Variants in KDM5A observed in about 807,000 individuals in gnomAD.
The protein encoded by KDM5A is lysine-specific demethylase 5A.
KDM5A carries 42 observed loss-of-function variants against 193.5 expected under a neutral mutation model. That is an observed-to-expected ratio of 0.22 (90% CI 0.17 to 0.28). The LOEUF is 0.28. Among genes scored for constraint, KDM5A ranks in the 10% least tolerant of loss-of-function variants. The probability of loss-of-function intolerance (pLI) is 1.00; values close to 1 mark genes in which losing one functional copy is unlikely to be tolerated. For missense variants in KDM5A, 1,692 were observed against 2,055.1 expected, an observed-to-expected ratio of 0.82 and a Z score of 3.42; for synonymous variants, 796 against 718.1, an observed-to-expected ratio of 1.11 and a Z score of -1.73.
intron 10 of KDM5A, among the ~76,000 whole-genome samples, chr12:340,253 G>A (rs527462843): frequency 6.6e-6 from 1 of 152,200 alleles, no homozygotes; most frequent in Admixed American, 6.5e-5. Context: ...CTATGTAGAG[G>A]CCTACATAGT....
At chr12:329,557 G>GT (rs915677183) in intron 13 of KDM5A, among the ~76,000 whole-genome samples, 10 of 151,368 alleles carry the variant, frequency 6.6e-5, no homozygotes, top group Admixed American at 2.0e-4. Flanking sequence ...CTGACATTTA[G>GT]TTTTTTTTGC....
Position 284,334 on chromosome 12 carries a change from T to A in KDM5A, c.*1122A>T, listed in dbSNP as rs567992292. On this transcript the variant is annotated 3_prime_UTR_variant, in exon 28 of 28. Transcript: ENST00000399788. ...AGTAAAAACAAGTCCTTTTTTTTTT[T>A]TAAAAATGGATTTACTAAAACAACT... is the stretch of plus-strand genomic sequence containing the variant. The A allele has an allele frequency of 7.8e-5, 18 of 231,336 alleles. No homozygotes were observed. Among genetic ancestry groups the A allele is most frequent in the South Asian group, 7.3e-4 (4 of 5,498 alleles). The allele number at this position is 231,336 out of a possible 1,614,324, so 14.3% of individuals were successfully genotyped here. A position where few individuals can be genotyped will look rare whatever the true frequency, so the allele number is the denominator to read the frequency against.
chr12:280,245 AT>A lies in KDM5A; in HGVS notation c.*5210del, dbSNP rs1220964237. 4.3e-6 allele frequency: 1 copy of A among 232,880 alleles called. No homozygotes were observed. Among genetic ancestry groups the A allele is most frequent in the Non-Finnish European group, 8.5e-6 (1 of 117,872 alleles). 14.4% of individuals were successfully genotyped at this position (232,880 alleles called of 1,614,324 possible). A position where few individuals can be genotyped will look rare whatever the true frequency, so the allele number is the denominator to read the frequency against. On this transcript the variant is annotated 3_prime_UTR_variant, in exon 28 of 28. Coordinates refer to ENST00000399788, the MANE Select transcript of KDM5A (RefSeq NM_001042603.3). ...GTGTACAATGTTTCACCATGTTCCAATTAATGGTTGAGCTTTAAATGAAAAT... is the reference window on the plus strand; with the variant it reads ...GTGTACAATGTTTCACCATGTTCCAATAATGGTTGAGCTTTAAATGAAAAT...
intron 4 of KDM5A, among the ~76,000 whole-genome samples, chr12:365,327 T>TACAG (rs1944344723): frequency 6.6e-6 from 1 of 152,194 alleles, no homozygotes; most frequent in Admixed American, 6.5e-5. Flanking sequence ...GTGCTGAGAT[T>TACAG]ACAGGCATTA....
chr12:296,411 T>G (rs1204230364), intron 25 of KDM5A, among the ~76,000 whole-genome samples: 1 of 151,804 alleles, frequency 6.6e-6, no homozygotes, highest in Non-Finnish European at 1.5e-5. Flanking sequence ...GCAACCAGAA[T>G]CTCTCCATTT....
At chr12:289,127 G>A (rs1195424426) in intron 27 of KDM5A, among the ~76,000 whole-genome samples, 1 of 152,116 alleles carries the variant, frequency 6.6e-6, no homozygotes, top group African/African-American at 2.4e-5. Flanking sequence ...ACTTCTCATG[G>A]AAGTAGGAAT....
At chr12:335,289 G>A (rs1166471881) in intron 10 of KDM5A, among the ~76,000 whole-genome samples, 7 of 152,230 alleles carry the variant, frequency 4.6e-5, no homozygotes, top group Non-Finnish European at 5.9e-5. Context: ...GCAGCCATAT[G>A]AGGCTATGAC....
chr12:326,729 CA>C (rs1197229391), intron 14 of KDM5A, among the ~76,000 whole-genome samples: 1 of 151,940 alleles, frequency 6.6e-6, no homozygotes, highest in Admixed American at 6.6e-5. Context: ...GGCGTGGTGG[CA>C]GGCGCCTGTA....
At position 281,776 on chromosome 12, in the gene KDM5A, TCATC is replaced by T. The variant is rs1341354819; in HGVS notation, c.*3676_*3679del. 1.7e-5 allele frequency: 4 copies of T among 234,112 alleles called. No homozygotes were observed. The highest frequency in any genetic ancestry group is 1.7e-4 in the Admixed American group (3 of 17,812). The allele number at this position is 234,112 out of a possible 1,614,324, so 14.5% of individuals were successfully genotyped here. A position where few individuals can be genotyped will look rare whatever the true frequency, so the allele number is the denominator to read the frequency against. On this transcript the variant is annotated 3_prime_UTR_variant, in exon 28 of 28. Transcript: ENST00000399788. The stretch of plus-strand genomic sequence containing the variant: ...AGACAGGTCTTCTCAGTTTTTCTGT[TCATC>T]CTCCTACTGTAAGTACTGGCTGATA...
chr12:363,480 G>C (rs375594340), intron 4 of KDM5A, among the ~76,000 whole-genome samples: 1 of 152,156 alleles, frequency 6.6e-6, no homozygotes, highest in South Asian at 2.1e-4. Flanking sequence ...ATGGTCAACT[G>C]ATCTCCAACA....
chr12:307,880 C>T lies in KDM5A; in HGVS notation c.3504G>A (p.Lys1168=), dbSNP rs2137389656. 6.2e-7 allele frequency: 1 copy of T among 1,614,138 alleles called. No individual in the cohort carries two copies. The highest frequency in any genetic ancestry group is 1.1e-5 in the South Asian group (1 of 91,088). The part of the protein sequence containing the change: ...IEEVKFCICR[K]TASGFMLQCE... ...ACTGTAGCATAAACCCACTGGCTGTCTTGCGGCAAATGCAAAATTTTACTT... is the reference window on the plus strand; with the variant it reads ...ACTGTAGCATAAACCCACTGGCTGTTTTGCGGCAAATGCAAAATTTTACTT... The change falls in exon 23 of 28, where the codon AAG becomes AAA. Residue 1168 remains lysine (K), a synonymous_variant. Transcript: ENST00000399788. This position sits in a 1 kb window ranked among gnomAD's most constrained non-coding sequence, Gnocchi z 4.3.
chr12:330,175 T>C lies in KDM5A; in HGVS notation c.1774-1146A>G, dbSNP rs563145785. Among the ~76,000 whole-genome samples the C allele has an allele frequency of 2.0e-5, 3 of 151,882 alleles. No individual in the cohort carries two copies. In the East Asian group the frequency reaches 5.8e-4, roughly 29 times the overall value. On this transcript the variant is annotated intron_variant, in intron 13 of 27. Coordinates refer to ENST00000399788, the MANE Select transcript of KDM5A (RefSeq NM_001042603.3). ...CTTAAATACGTACTCTTTAAAAATT[T>C]CTCAGAGCCTCAACACAAAAACAAG...
At chr12:325,235 A>G (rs1943767071) in intron 14 of KDM5A, among the ~76,000 whole-genome samples, 2 of 152,224 alleles carry the variant, frequency 1.3e-5, no homozygotes, top group African/African-American at 4.8e-5. Context: ...CTTAGTTTAT[A>G]AGAATTTACT....
rs550354543 is a variant in KDM5A at position 366,448 on chromosome 12, TA to T, written c.367-345del. ...AATATGAAATAAGAATAAAAACAGA[TA>T]AAAAATAGATATGAAAATAAATGTT... On this transcript the variant is annotated intron_variant, in intron 3 of 27. Coordinates refer to ENST00000399788, the MANE Select transcript of KDM5A (RefSeq NM_001042603.3). Among the ~76,000 whole-genome samples, 24 of 151,814 alleles carry T rather than the reference TA, an allele frequency of 1.6e-4. No homozygotes were observed. In the East Asian group the frequency reaches 4.6e-3, roughly 29 times the overall value.
At chr12:312,734 G>T (rs1460147979) in intron 20 of KDM5A, among the ~76,000 whole-genome samples, 3 of 152,164 alleles carry the variant, frequency 2.0e-5, no homozygotes, top group Non-Finnish European at 4.4e-5. Flanking sequence ...GCTTAGCCTA[G>T]CCTACCTTAA....
chr12:310,066 G>A (rs1285464834), intron 21 of KDM5A, 102 bp from the exon 22 acceptor site: 10 of 1,244,386 alleles, frequency 8.0e-6, no homozygotes, highest in Middle Eastern at 2.0e-4. Flanking sequence ...CATGTCCCAC[G>A]CACTTTCTTA....
In KDM5A at chr12:324,258, C is replaced by CT. The variant is rs1943756803; in HGVS notation, c.1969-478dup. Among the ~76,000 whole-genome samples, 3 of 151,924 alleles carry CT rather than the reference C, an allele frequency of 2.0e-5. No homozygotes were observed. In the South Asian group the frequency reaches 6.2e-4, roughly 32 times the overall value. ...GCTGTAGTAAGCTATGATAGTACTG[C>CT]TGCACTCCAACCCCAGCCGACATAG... On this transcript the variant is annotated intron_variant, in intron 14 of 27. Transcript: ENST00000399788.
intron 18 of KDM5A, among the ~76,000 whole-genome samples, chr12:319,535 G>C (rs748097777): frequency 6.6e-5 from 10 of 152,172 alleles, no homozygotes; most frequent in African/African-American, 2.4e-4. Flanking sequence ...TGGATCGCTT[G>C]AGCTCAGGAG....
chr12:377,835 TA>T (rs1176618547), intron 3 of KDM5A, among the ~76,000 whole-genome samples: 3 of 151,890 alleles, frequency 2.0e-5, no homozygotes, highest in Non-Finnish European at 2.9e-5. Flanking sequence ...CAGGTGACCT[TA>T]AAAAAACACC....
Sources: allele counts gnomAD v4.1 joint callset (sites outside exome capture counted in the v4.1 genomes callset), GRCh38; gene constraint gnomAD v4.1.1; non-coding constraint Gnocchi (gnomAD v3.1); transcripts MANE v1.5; gene names NCBI Gene and HGNC (gene_info 2026-07-23, HGNC 2026-07-21).